DPP9: variants seen among roughly 807,000 people sequenced by gnomAD.
The protein encoded by DPP9 is dipeptidyl peptidase 9, also known as dipeptidyl peptidase IV-related protein-2.
Under a neutral mutation model 110.7 loss-of-function variants are expected in DPP9, and 50 were observed. The ratio of observed to expected loss-of-function variants is 0.45; its 90% CI spans 0.36 to 0.57. DPP9 has a LOEUF of 0.57. Among genes scored for constraint, DPP9 ranks in the 20% least tolerant of loss-of-function variants. The probability of loss-of-function intolerance (pLI) is 0.00; values close to 1 mark genes in which losing one functional copy is unlikely to be tolerated. For synonymous variants in DPP9, 561 were observed against 514.4 expected (o/e 1.09, Z -1.23); for missense variants, 1,022 against 1,217.9 (o/e 0.84, Z 2.39).
Position 4,693,948 on chromosome 19 carries a change from G to A in DPP9, c.1516+713C>T, listed in dbSNP as rs905099756. ...ACGGGCTGTGGCTCTGCCCAGAGCC[G>A]TGGTGTGGACCCCTCACCTCCACAG... is the stretch of plus-strand genomic sequence containing the variant. On this transcript the variant is annotated intron_variant, in intron 13 of 21. Coordinates refer to ENST00000262960, the MANE Select transcript of DPP9 (RefSeq NM_139159.5). The surrounding 1 kb of genome is among the most constrained non-coding windows in gnomAD (Gnocchi z 5.0). Among the ~76,000 whole-genome samples, 19 of 151,932 alleles carry A rather than the reference G, an allele frequency of 1.3e-4. No homozygotes were observed. Among genetic ancestry groups the A allele is most frequent in the African/African-American group, 3.1e-4 (13 of 41,384 alleles).
At chr19:4,709,074 C>G (rs113858513) in intron 4 of DPP9, among the ~76,000 whole-genome samples, 1 of 152,082 alleles carries the variant, frequency 6.6e-6, no homozygotes, top group Admixed American at 6.6e-5. Flanking sequence ...CACAACACCA[C>G]ACCCGGCTAA....
Position 4,709,574 on chromosome 19 carries a change from T to G in DPP9, c.314-3604A>C, listed in dbSNP as rs139340347. Among the ~76,000 whole-genome samples the G allele has an allele frequency of 7.2e-3, 1,095 of 152,220 alleles. 10 individuals carry two copies. Among genetic ancestry groups the G allele is most frequent in the Middle Eastern group, 0.024 (7 of 294 alleles). Reference sequence around the variant, plus strand: ...GTCAAGTGATGTGTGATTTCGCTCGTGTGAAATGTCCAGAACAAGCCAATC... The same window carrying G: ...GTCAAGTGATGTGTGATTTCGCTCGGGTGAAATGTCCAGAACAAGCCAATC... On this transcript the variant is annotated intron_variant, in intron 4 of 21. Transcript: ENST00000262960.
At chr19:4,721,125 T>C (rs1222135486) in intron 2 of DPP9, among the ~76,000 whole-genome samples, 1 of 152,204 alleles carries the variant, frequency 6.6e-6, no homozygotes, top group Non-Finnish European at 1.5e-5. Context: ...ATGTGGCCAG[T>C]GGAGGCCAGC....
In DPP9 at chr19:4,676,528, CT is replaced by C. The variant is rs774073442; in HGVS notation, c.*35del. On this transcript the variant is annotated 3_prime_UTR_variant, in exon 22 of 22. Transcript: ENST00000262960. The surrounding 1 kb of genome is among the most constrained non-coding windows in gnomAD (Gnocchi z 4.0). ...TGGTTCCCCGCGGAGGCTGCAGCCA[CT>C]TGTGCTGTGATGTGGCGGCTCCCGG... 2 of 1,559,938 alleles carry C rather than the reference CT, an allele frequency of 1.3e-6. No individual in the cohort carries two copies. Among genetic ancestry groups the C allele is most frequent in the East Asian group, 4.7e-5 (2 of 42,694 alleles).
chr19:4,700,059 A>G lies in DPP9; in HGVS notation c.1074+157T>C, dbSNP rs1450586470. ...TCTAGGCACAGGTCCAGAGACACAC[A>G]GGGAAGGCCTGTGGCTAGGCGGACC... On this transcript the variant is annotated intron_variant, in intron 10 of 21. Coordinates refer to ENST00000262960, the MANE Select transcript of DPP9 (RefSeq NM_139159.5). This position sits in a 1 kb window ranked among gnomAD's most constrained non-coding sequence, Gnocchi z 4.3. Among the ~76,000 whole-genome samples the G allele has an allele frequency of 6.6e-6, 1 of 152,174 alleles. No individual in the cohort carries two copies. The highest frequency in any genetic ancestry group is 6.5e-5 in the Admixed American group (1 of 15,276).
At position 4,675,511 on chromosome 19, in the gene DPP9, T is replaced by C. The variant is rs979993248; in HGVS notation, c.*1053A>G. The C allele has an allele frequency of 6.6e-6, 1 of 152,048 alleles. No individual in the cohort carries two copies. Among genetic ancestry groups the C allele is most frequent in the African/African-American group, 2.4e-5 (1 of 41,394 alleles). The allele number at this position is 152,048 out of a possible 1,614,324, so 9.4% of individuals were successfully genotyped here. A position where few individuals can be genotyped will look rare whatever the true frequency, so the allele number is the denominator to read the frequency against. Reference sequence around the variant, plus strand: ...AGGCAGACACATGTGGCTGGGCGGCTGGGCTGGGGAGGGGACAGCCGCCAC... The same window carrying C: ...AGGCAGACACATGTGGCTGGGCGGCCGGGCTGGGGAGGGGACAGCCGCCAC... On this transcript the variant is annotated 3_prime_UTR_variant, in exon 22 of 22. Transcript: ENST00000262960.
chr19:4,689,306 C>T lies in DPP9; in HGVS notation c.1749+264G>A, dbSNP rs1031384814. On this transcript the variant is annotated intron_variant, in intron 15 of 21. Coordinates refer to ENST00000262960, the MANE Select transcript of DPP9 (RefSeq NM_139159.5). This position sits in a 1 kb window ranked among gnomAD's most constrained non-coding sequence, Gnocchi z 7.0. ...TGAGAGGCTAAGGGCCACATCCCAC[C>T]GCACACAGAGCGGCGGAGCCCCAGC... 6.6e-5 allele frequency among the ~76,000 whole-genome samples: 10 copies of T among 152,204 alleles called. No homozygotes were observed. Among genetic ancestry groups the T allele is most frequent in the Admixed American group, 2.0e-4 (3 of 15,290 alleles).
Position 4,682,727 on chromosome 19 carries a change from C to A in DPP9, c.2443G>T (p.Val815Leu). 6.2e-7 allele frequency: 1 copy of A among 1,609,172 alleles called. No individual in the cohort carries two copies. Among genetic ancestry groups the A allele is most frequent in the Non-Finnish European group, 8.5e-7 (1 of 1,178,082 alleles). Residue 815 changes from valine (V) to leucine (L), a missense_variant, in exon 20 of 22, where the codon GTG becomes TTG. Coordinates refer to ENST00000262960, the MANE Select transcript of DPP9 (RefSeq NM_139159.5). The surrounding 1 kb of genome is among the most constrained non-coding windows in gnomAD (Gnocchi z 7.1). ...NNQHGYEAGS[V>L]ALHVEKLPNE... The stretch of plus-strand genomic sequence containing the variant: ...GGCAGCTTCTCCACGTGCAGGGCCA[C>A]GGAACCCGCCTCATAGCCGTGCTGG...
At chr19:4,679,579 G>C in intron 21 of DPP9, 1 of 515,890 alleles carries the variant, frequency 1.9e-6, no homozygotes, top group Non-Finnish European at 3.5e-6. Flanking sequence ...AGCAGGGGTG[G>C]GTGTGGCAGC....
intron 4 of DPP9, among the ~76,000 whole-genome samples, chr19:4,711,881 G>A (rs750274065): frequency 2.6e-5 from 4 of 151,468 alleles, no homozygotes; most frequent in Admixed American, 6.6e-5. Context: ...AAGTTCCAAC[G>A]TTGTGGCCAC....
Position 4,685,466 on chromosome 19 carries a change from G to T in DPP9, c.2031+160C>A. ...GAGAAAGGAGGGTGAGGGGCCCCGA[G>T]GACCCTGTGTAGTCAGGGCAGGCGG... On this transcript the variant is annotated intron_variant, in intron 17 of 21. Coordinates refer to ENST00000262960, the MANE Select transcript of DPP9 (RefSeq NM_139159.5). The surrounding 1 kb of genome is among the most constrained non-coding windows in gnomAD (Gnocchi z 5.8). The T allele has an allele frequency of 1.2e-6, 1 of 835,498 alleles. No individual in the cohort carries two copies. The highest frequency in any genetic ancestry group is 1.9e-6 in the Non-Finnish European group (1 of 523,380). The allele number at this position is 835,498 out of a possible 1,614,324, so 51.8% of individuals were successfully genotyped here.
rs1876447859 is a variant in DPP9 at position 4,718,762 on chromosome 19, T to C, written c.56+1089A>G. Among the ~76,000 whole-genome samples the C allele has an allele frequency of 6.6e-6, 1 of 152,246 alleles. No homozygotes were observed. Among genetic ancestry groups the C allele is most frequent in the African/African-American group, 2.4e-5 (1 of 41,468 alleles). On this transcript the variant is annotated intron_variant, in intron 3 of 21. Transcript: ENST00000262960. This position sits in a 1 kb window ranked among gnomAD's most constrained non-coding sequence, Gnocchi z 4.3. The stretch of plus-strand genomic sequence containing the variant: ...ACCACCCGGTTTTAGAGCCCATGGC[T>C]GGGCCAATCATAGCCCTTCACACCG...
chr19:4,690,706 T>C (rs10426236), intron 14 of DPP9, among the ~76,000 whole-genome samples, 172 bp downstream of exon 14: 6,692 of 152,272 alleles, frequency 0.044, 494 homozygotes, highest in African/African-American at 0.15. Context: ...TGCTGAGGCC[T>C]GCGAACTGCT....
chr19:4,683,393 G>A (rs773773372), intron 19 of DPP9, 84 bp downstream of exon 19: 6 of 1,576,772 alleles, frequency 3.8e-6, no homozygotes, highest in Non-Finnish European at 4.3e-6. Context: ...GGCTCCGGGT[G>A]GCGCGGGCGG....
Position 4,694,724 on chromosome 19 carries a change from T to C in DPP9, c.1453A>G (p.Lys485Glu). ...ECKTGFCHLY[K>E]VTAVLKSQGY... ...TGGGATTTTAAAACGGCGGTGACTT[T>C]GTACAAATGGCAGAAGCCGGTCTTG... is the stretch of plus-strand genomic sequence containing the variant. Residue 485 changes from lysine to glutamate, a missense_variant, in exon 13 of 22, where the codon AAA (lysine) becomes GAA (glutamate). By Grantham distance (56) the Lys-to-Glu change is moderately conservative. Coordinates refer to ENST00000262960, the MANE Select transcript of DPP9 (RefSeq NM_139159.5). This position sits in a 1 kb window ranked among gnomAD's most constrained non-coding sequence, Gnocchi z 4.0. 6.2e-7 allele frequency: 1 copy of C among 1,613,710 alleles called. No homozygotes were observed. The highest frequency in any genetic ancestry group is 1.1e-5 in the South Asian group (1 of 91,014).
intron 4 of DPP9, among the ~76,000 whole-genome samples, chr19:4,708,435 G>A (rs1362741618): frequency 6.6e-6 from 1 of 152,200 alleles, no homozygotes; most frequent in Admixed American, 6.5e-5. Context: ...TCCCTTGTGG[G>A]AACTCCTCTG....
chr19:4,696,323 A>G (rs1428521057), intron 11 of DPP9, among the ~76,000 whole-genome samples: 3 of 152,192 alleles, frequency 2.0e-5, no homozygotes, highest in East Asian at 3.8e-4. Context: ...TCACAGGGAC[A>G]TAAAATACTA....
chr19:4,691,091 G>T (rs1045586654), intron 13 of DPP9, 134 bp from the exon 14 acceptor site: 2 of 662,726 alleles, frequency 3.0e-6, no homozygotes, highest in African/African-American at 3.6e-5. Context: ...GAACTCAGAC[G>T]CCAGCACAGG....
rs1228592739 is a variant in DPP9 at position 4,710,599 on chromosome 19, C to T, written c.313+3482G>A. 1.3e-5 allele frequency among the ~76,000 whole-genome samples: 2 copies of T among 152,216 alleles called. No homozygotes were observed. Among genetic ancestry groups the T allele is most frequent in the Non-Finnish European group, 2.9e-5 (2 of 68,036 alleles). Reference sequence around the variant, plus strand: ...GGGGCCCAGTGATTAGCTCCACATGCCCCACAGCAAACCTGGTGCCTGCTG... The same window carrying T: ...GGGGCCCAGTGATTAGCTCCACATGTCCCACAGCAAACCTGGTGCCTGCTG... On this transcript the variant is annotated intron_variant, in intron 4 of 21. Transcript: ENST00000262960. The surrounding 1 kb of genome is among the most constrained non-coding windows in gnomAD (Gnocchi z 5.6).
Sources: allele counts gnomAD v4.1 joint callset (sites outside exome capture counted in the v4.1 genomes callset), GRCh38; gene constraint gnomAD v4.1.1; non-coding constraint Gnocchi (gnomAD v3.1); transcripts MANE v1.5; gene names NCBI Gene and HGNC (gene_info 2026-07-23, HGNC 2026-07-21).